TMEM62: variants seen among roughly 807,000 people sequenced by gnomAD.
TMEM62 encodes the protein transmembrane protein 62.
Under a neutral mutation model 70.4 loss-of-function variants are expected in TMEM62, and 41 were observed. The observed-to-expected ratio is 0.58, with a 90% CI of 0.45 to 0.76. The LOEUF is 0.76. Ranked by LOEUF, TMEM62 falls within the 30% of genes least tolerant of loss-of-function variation. The pLI, the probability that TMEM62 is intolerant of heterozygous loss-of-function variation, is 0.00. For missense variants in TMEM62, 688 were observed against 788.5 expected, an observed-to-expected ratio of 0.87 and a Z score of 1.53; for synonymous variants, 268 against 291.0, an observed-to-expected ratio of 0.92 and a Z score of 0.80.
chr15:43,176,387 TG>T (rs1413804675), intron 11 of TMEM62, among the ~76,000 whole-genome samples: 1 of 152,228 alleles, frequency 6.6e-6, no homozygotes, highest in Non-Finnish European at 1.5e-5. Context: ...CCTCCTCAAG[TG>T]GGTCCCTGAC....
At chr15:43,169,717 T>G in intron 11 of TMEM62, 40 bp downstream of exon 11, 1 of 1,535,382 alleles carries the variant, frequency 6.5e-7, no homozygotes, top group Non-Finnish European at 8.9e-7. Context: ...GCCTTGTTCA[T>G]GGAAAAAACC....
chr15:43,154,587 T>G (rs112763065), intron 8 of TMEM62, 85 bp from the exon 9 acceptor site: 1 of 1,243,680 alleles, frequency 8.0e-7, no homozygotes, highest in African/African-American at 1.5e-5. Context: ...TACGTGTATA[T>G]CTGCAAGTTA....
chr15:43,136,144 C>T (rs945418997), intron 3 of TMEM62, among the ~76,000 whole-genome samples: 8 of 152,064 alleles, frequency 5.3e-5, no homozygotes, highest in Non-Finnish European at 8.8e-5. Context: ...AAGGCAAACC[C>T]GTAAGTCTGC....
intron 9 of TMEM62, among the ~76,000 whole-genome samples, chr15:43,158,396 G>A (rs942662656): frequency 1.3e-4 from 20 of 152,248 alleles, no homozygotes; most frequent in Non-Finnish European, 2.1e-4. Context: ...GCATTTCCCT[G>A]ATTTGTACCA....
intron 11 of TMEM62, among the ~76,000 whole-genome samples, chr15:43,177,555 TG>T (rs1335564017): frequency 6.6e-6 from 1 of 152,132 alleles, no homozygotes; most frequent in Non-Finnish European, 1.5e-5. Flanking sequence ...TGCACATGTA[TG>T]TTTATTGTGG....
At chr15:43,165,079 T>C (rs2039222431) in intron 10 of TMEM62, among the ~76,000 whole-genome samples, 1 of 152,178 alleles carries the variant, frequency 6.6e-6, no homozygotes, top group African/African-American at 2.4e-5. Flanking sequence ...TATGACCTTC[T>C]TGTACCTGAA....
At chr15:43,184,126 G>T in intron 13 of TMEM62, 134 bp from the exon 14 acceptor site, 1 of 736,014 alleles carries the variant, frequency 1.4e-6, no homozygotes, top group Non-Finnish European at 2.2e-6. Flanking sequence ...TGTGTTATAA[G>T]CAACTGTGCT....
chr15:43,146,422 C>A, intron 4 of TMEM62, 71 bp from the exon 5 acceptor site: 1 of 1,396,036 alleles, frequency 7.2e-7, no homozygotes, highest in Non-Finnish European at 9.7e-7. Context: ...TAAAATCTAG[C>A]GTATTAGGGA....
intron 4 of TMEM62, 120 bp from the exon 5 acceptor site, chr15:43,146,372 TA>T: frequency 1.1e-6 from 1 of 934,806 alleles, no homozygotes; most frequent in East Asian, 2.4e-5. Flanking sequence ...TAGTTTAGTA[TA>T]TTTCTGTCAG....
chr15:43,175,928 G>A (rs1292984177), intron 11 of TMEM62, among the ~76,000 whole-genome samples: 1 of 152,214 alleles, frequency 6.6e-6, no homozygotes, highest in African/African-American at 2.4e-5. Flanking sequence ...CCCTTTCCTA[G>A]TCAAAGAAAG....
chr15:43,160,959 C>T (rs1363275636), intron 10 of TMEM62, among the ~76,000 whole-genome samples, 165 bp downstream of exon 10: 1 of 152,100 alleles, frequency 6.6e-6, no homozygotes, highest in East Asian at 1.9e-4. Context: ...AGACAGAGAC[C>T]ATAGTCTTGT....
Position 43,134,373 on chromosome 15 carries a change from G to A in TMEM62, c.292+5G>A, listed in dbSNP as rs763122539. On this transcript the variant is annotated splice_donor_5th_base_variant and intron_variant, in intron 2 of 13. Transcript: ENST00000260403. ...CAGCTCTCGTCCTAGCAACAGGTAG[G>A]GAGGCTTGCCGTGCTGTGGTGGTGG... 5.6e-6 allele frequency: 9 copies of A among 1,609,282 alleles called. No individual in the cohort carries two copies. The South Asian group carries it at 7.7e-5, about 14-fold the overall frequency.
intron 4 of TMEM62, among the ~76,000 whole-genome samples, chr15:43,141,735 A>G (rs1426445559): frequency 6.6e-6 from 1 of 152,244 alleles, no homozygotes; most frequent in Non-Finnish European, 1.5e-5. Flanking sequence ...ACCATTCTAG[A>G]TGCCATTAAG....
At position 43,181,186 on chromosome 15, in the gene TMEM62, T is replaced by C. The variant is rs767261340; in HGVS notation, c.1492T>C (p.Trp498Arg). The C allele has an allele frequency of 1.2e-5, 20 of 1,611,410 alleles. No homozygotes were observed. The highest frequency in any genetic ancestry group is 1.7e-5 in the Non-Finnish European group (20 of 1,177,656). Residue 498 changes from tryptophan (W) to arginine (R), a missense_variant, in exon 13 of 14, where the codon TGG (tryptophan) becomes CGG (arginine). By Grantham distance (101) the Trp-to-Arg change is moderately radical. Coordinates refer to ENST00000260403, the MANE Select transcript of TMEM62 (RefSeq NM_024956.4). ...TTGTCCATTGCCTCTTTTAGGTCCA[T>C]GGTTTTTTGGTGAAATCATTGATGG... Reference protein sequence around the residue: ...LLTLYTVLGPWFFGEIIDGKF... With the variant: ...LLTLYTVLGPRFFGEIIDGKF...
chr15:43,133,365 A>C, upstream of TMEM62: 2 of 160,056 alleles, frequency 1.2e-5, no homozygotes, highest in Non-Finnish European at 1.4e-5. Flanking sequence ...CAACCCTGCA[A>C]AGTGCGCACG....
chr15:43,183,162 A>C (rs1256732227), intron 13 of TMEM62, among the ~76,000 whole-genome samples: 1 of 152,186 alleles, frequency 6.6e-6, no homozygotes, highest in South Asian at 2.1e-4. Flanking sequence ...CATACCCTGT[A>C]TCTATTTCAC....
intron 9 of TMEM62, among the ~76,000 whole-genome samples, chr15:43,158,154 T>A (rs1180401956): frequency 6.6e-6 from 1 of 152,186 alleles, no homozygotes; most frequent in East Asian, 1.9e-4. Flanking sequence ...GTAGTTAGAT[T>A]TAGAGGTTTC....
intron 5 of TMEM62, 47 bp downstream of exon 5, chr15:43,146,681 T>C (rs778049053): frequency 7.4e-6 from 11 of 1,478,890 alleles, no homozygotes; most frequent in Non-Finnish European, 1.0e-5. Context: ...TATTTTTTCA[T>C]GGATACGTGT....
intron 4 of TMEM62, among the ~76,000 whole-genome samples, chr15:43,138,888 A>T (rs2035611999): frequency 6.6e-6 from 1 of 152,232 alleles, no homozygotes; most frequent in African/African-American, 2.4e-5. Context: ...CTAGTAATTT[A>T]AAAAATGAGC....
Sources: gnomAD v4.1 joint callset for allele counts (sites outside exome capture counted in the v4.1 genomes callset) on GRCh38, gnomAD v4.1.1 for gene constraint, MANE v1.5 for transcripts, NCBI Gene and HGNC (gene_info 2026-07-23, HGNC 2026-07-21) for gene names.